Variants in GCA observed in about 807,000 individuals in gnomAD.
GCA encodes grancalcin, EF-hand calcium-binding protein.
In GCA, 30 loss-of-function variants were observed where a neutral mutation model predicts 32.6. The ratio of observed to expected loss-of-function variants is 0.92; its 90% CI spans 0.69 to 1.25. The LOEUF is 1.25. Among genes scored for constraint, GCA ranks in the 50% most tolerant of loss-of-function variants. GCA has a pLI of 0.00. For missense variants in GCA, 291 were observed against 266.8 expected (o/e 1.09, Z -0.63); for synonymous variants, 102 against 84.6 (o/e 1.21, Z -1.13).
intron 7 of GCA, 22 bp downstream of exon 7, chr2:162,359,574 T>C (rs79695377): frequency 4.9e-5 from 65 of 1,323,204 alleles, no homozygotes; most frequent in Non-Finnish European, 6.4e-5. Flanking sequence ...GCTTTTGATA[T>C]TTATACTGCA....
At chr2:162,349,372 G>T (rs999770269) in intron 2 of GCA, among the ~76,000 whole-genome samples, 1 of 151,310 alleles carries the variant, frequency 6.6e-6, no homozygotes, top group Non-Finnish European at 1.5e-5. Context: ...AAATGAGCTT[G>T]TCTTTTTTTT....
rs186858153 is a variant in GCA at position 162,361,982 on chromosome 2, A to G, written c.*1739A>G. 1.0e-6 allele frequency: 1 copy of G among 983,664 alleles called. No homozygotes were observed. The highest frequency in any genetic ancestry group is 6.2e-5 in the Admixed American group (1 of 16,144). 60.9% of individuals were successfully genotyped at this position (983,664 alleles called of 1,614,324 possible). ...CTTGGAGGCTCACAGTTGAGGTAAAACTTTTAAAATGACAAATGGTATTAT... is the reference window on the plus strand; with the variant it reads ...CTTGGAGGCTCACAGTTGAGGTAAAGCTTTTAAAATGACAAATGGTATTAT... On this transcript the variant is annotated 3_prime_UTR_variant, in exon 8 of 8. Transcript: ENST00000437150.
intron 3 of GCA, among the ~76,000 whole-genome samples, chr2:162,355,672 A>G (rs1685227447): frequency 6.6e-6 from 1 of 152,004 alleles, no homozygotes; most frequent in Admixed American, 6.6e-5. Flanking sequence ...AGTTCTATAA[A>G]TATGAAAGTG....
intron 1 of GCA, among the ~76,000 whole-genome samples, chr2:162,345,152 T>G (rs896218307): frequency 7.1e-4 from 85 of 120,424 alleles, no homozygotes; most frequent in Admixed American, 1.1e-3. Context: ...TTGTGGTTGT[T>G]GTTGTTGTTT....
exon 5 of GCA, chr2:162,371,399 G>T: frequency 7.8e-7 from 1 of 1,288,906 alleles, no homozygotes; most frequent in Non-Finnish European, 1.0e-6. Flanking sequence ...TATCCCCCTG[G>T]AATTCCCATG....
intron 1 of GCA, among the ~76,000 whole-genome samples, chr2:162,323,422 G>A (rs13405195): frequency 0.056 from 8,485 of 151,666 alleles, 972 homozygotes; most frequent in African/African-American, 0.2. Flanking sequence ...ATTAGATACC[G>A]TTTGTCAATT....
intron 5 of GCA, among the ~76,000 whole-genome samples, chr2:162,358,669 A>G (rs549663241): frequency 2.6e-5 from 4 of 151,460 alleles, no homozygotes; most frequent in Admixed American, 6.6e-5. Flanking sequence ...AATAACAAAG[A>G]TCATTAGTAA....
At chr2:162,348,459 A>G (rs529449629) in intron 2 of GCA, among the ~76,000 whole-genome samples, 1 of 152,292 alleles carries the variant, frequency 6.6e-6, no homozygotes, top group South Asian at 2.1e-4. Flanking sequence ...AGTAATTTTG[A>G]TTTGATATGG....
chr2:162,344,179 C>G lies in GCA; in HGVS notation c.-70C>G. 3.2e-6 allele frequency: 5 copies of G among 1,570,428 alleles called. No individual in the cohort carries two copies. The African/African-American group carries it at 4.0e-5, about 13-fold the overall frequency. The stretch of plus-strand genomic sequence containing the variant: ...GCAGCTGCGCCTCCTTGCACCTGCG[C>G]CTGTGCTTTTTCTCCCAGCACTGCG... On this transcript the variant is annotated 5_prime_UTR_variant, in exon 1 of 8. Coordinates refer to ENST00000437150, the MANE Select transcript of GCA (RefSeq NM_012198.5).
At chr2:162,328,461 G>C (rs113969225) in intron 1 of GCA, among the ~76,000 whole-genome samples, 1 of 151,946 alleles carries the variant, frequency 6.6e-6, no homozygotes, top group Non-Finnish European at 1.5e-5. Context: ...TGGAAGAAAG[G>C]CAAACCTGAC....
At chr2:162,354,123 G>T (rs780708645) in intron 3 of GCA, among the ~76,000 whole-genome samples, 1 of 151,926 alleles carries the variant, frequency 6.6e-6, no homozygotes, top group Non-Finnish European at 1.5e-5. Context: ...CATTTTGCTT[G>T]TTTTGGTTGT....
chr2:162,320,766 G>A (rs1309361259), intron 1 of GCA, among the ~76,000 whole-genome samples: 1 of 152,066 alleles, frequency 6.6e-6, no homozygotes, highest in Non-Finnish European at 1.5e-5. Flanking sequence ...AATTAACAAA[G>A]CTCCTACTTT....
At chr2:162,373,894 A>G (rs534358232), downstream of GCA, among the ~76,000 whole-genome samples, 2 of 152,342 alleles carry the variant, frequency 1.3e-5, no homozygotes, top group African/African-American at 4.8e-5. Context: ...TTAACAGAAA[A>G]TCAAATGAAC....
downstream of GCA, chr2:162,371,933 C>T (rs142210415): frequency 9.8e-5 from 158 of 1,613,734 alleles, no homozygotes; most frequent in Non-Finnish European, 1.2e-4. Flanking sequence ...ATTGGATGAA[C>T]GTAAGTTTTT....
chr2:162,342,714 C>A (rs1684491643), upstream of GCA, among the ~76,000 whole-genome samples: 1 of 152,180 alleles, frequency 6.6e-6, no homozygotes, highest in African/African-American at 2.4e-5. Flanking sequence ...ACAAGATGCA[C>A]AAAAATTTTG....
chr2:162,366,528 T>C (rs995433074), downstream of GCA, among the ~76,000 whole-genome samples: 1 of 151,936 alleles, frequency 6.6e-6, no homozygotes, highest in Admixed American at 6.6e-5. Flanking sequence ...TATTTGACAT[T>C]TAACCGAAGT....
In GCA at chr2:162,356,722, G is replaced by A. The variant is rs751200985; in HGVS notation, c.307-36G>A. On this transcript the variant is annotated intron_variant, in intron 4 of 7. Coordinates refer to ENST00000437150, the MANE Select transcript of GCA (RefSeq NM_012198.5). ...AATGATTTAGAGTCAGATAAACTCA[G>A]GTATCAGAATTTATTTTTGTTAATA... 2.5e-5 allele frequency: 37 copies of A among 1,505,774 alleles called. No homozygotes were observed. The Middle Eastern group carries it at 8.6e-4, about 35-fold the overall frequency. 93.3% of individuals were successfully genotyped at this position (1,505,774 alleles called of 1,614,324 possible). A position where few individuals can be genotyped will look rare whatever the true frequency, so the allele number is the denominator to read the frequency against.
chr2:162,325,238 G>T (rs886289872), intron 1 of GCA, among the ~76,000 whole-genome samples: 2 of 152,148 alleles, frequency 1.3e-5, no homozygotes, highest in African/African-American at 4.8e-5. Context: ...TGCACCCTGG[G>T]AATTCTGGGG....
chr2:162,319,997 G>C (rs530811198), intron 1 of GCA, among the ~76,000 whole-genome samples: 1 of 152,114 alleles, frequency 6.6e-6, no homozygotes, highest in Non-Finnish European at 1.5e-5. Flanking sequence ...ATCTTATGTA[G>C]CAAGGCTTTT....
Sources: allele counts gnomAD v4.1 joint callset (sites outside exome capture counted in the v4.1 genomes callset), GRCh38; gene constraint gnomAD v4.1.1; transcripts MANE v1.5; gene names NCBI Gene and HGNC (gene_info 2026-07-23, HGNC 2026-07-21).